CSNK2A2: variants seen among roughly 807,000 people sequenced by gnomAD.
CSNK2A2 encodes the protein casein kinase II subunit alpha'.
Under a neutral mutation model 54.0 loss-of-function variants are expected in CSNK2A2, and 8 were observed. That is an observed-to-expected ratio of 0.15 (90% confidence interval 0.09 to 0.27). The LOEUF (loss-of-function observed/expected upper bound fraction) is 0.27. CSNK2A2 is among the 10% of genes least tolerant of loss of function. CSNK2A2 has a pLI of 1.00. For missense variants in CSNK2A2, 242 were observed against 439.4 expected, an observed-to-expected ratio of 0.55 and a Z score of 4.02; for synonymous variants, 141 against 153.9, an observed-to-expected ratio of 0.92 and a Z score of 0.62.
At chr16:58,186,932 A>ACC in intron 2 of CSNK2A2, 76 bp from the exon 3 acceptor site, 1 of 1,133,694 alleles carries the variant, frequency 8.8e-7, no homozygotes, top group Non-Finnish European at 1.3e-6. Context: ...AATGTTAGCC[A>ACC]ATCAGATGGA....
chr16:58,172,310 TATA>T (rs1308636246), intron 5 of CSNK2A2, among the ~76,000 whole-genome samples: 1 of 152,140 alleles, frequency 6.6e-6, no homozygotes, highest in Non-Finnish European at 1.5e-5. Context: ...CCCTCTGTTT[TATA>T]ATAACTGTAG....
At chr16:58,195,089 T>C (rs938753685) in intron 2 of CSNK2A2, among the ~76,000 whole-genome samples, 8 of 152,156 alleles carry the variant, frequency 5.3e-5, no homozygotes, top group Non-Finnish European at 5.9e-5. Flanking sequence ...ACGTTTTGCT[T>C]ATTTCTTAGA....
At chr16:58,167,144 TA>T in intron 8 of CSNK2A2, 62 bp downstream of exon 8, 1 of 1,108,796 alleles carries the variant, frequency 9.0e-7, no homozygotes, top group Non-Finnish European at 1.3e-6. Flanking sequence ...TATTCTTATC[TA>T]AGGATGCTAT....
chr16:58,174,180 CAA>C, intron 5 of CSNK2A2: 1 of 292,812 alleles, frequency 3.4e-6, no homozygotes, highest in South Asian at 1.1e-4. Context: ...AATAAAGCAG[CAA>C]AGAGAAAACA....
Position 58,193,218 on chromosome 16 carries a change from G to C in CSNK2A2, c.216+3515C>G, listed in dbSNP as rs138591476. Among the ~76,000 whole-genome samples the C allele has an allele frequency of 3.0e-4, 46 of 152,192 alleles. 1 individual carries two copies. The East Asian group carries it at 8.5e-3, about 28-fold the overall frequency. On this transcript the variant is annotated intron_variant, in intron 2 of 11. Transcript: ENST00000262506. ...AAACCTACCACAGGAGAAATAAAGA[G>C]GAAATAAAGAGGAAAGCACCATTCT... is the stretch of plus-strand genomic sequence containing the variant.
chr16:58,164,126 G>A lies in CSNK2A2; in HGVS notation c.998C>T (p.Ser333Phe). The change falls in exon 11 of 12, where the codon TCC becomes TTC. Residue 333 changes from serine to phenylalanine, a missense_variant. Around this residue, in one of 5 missense-constraint regions of CSNK2A2, gnomAD observed 81 missense variants for 135.0 expected, o/e 0.60. Transcript: ENST00000262506. ...CACAGCATTGTCTGCACAAGGCTGGGACTGCTCCTTCACCACAGGGTCTGC... is the reference window on the plus strand; with the variant it reads ...CACAGCATTGTCTGCACAAGGCTGGAACTGCTCCTTCACCACAGGGTCTGC... ...PYFYPVVKEQ[S>F]QPCADNAVLS... is the part of the protein sequence containing the mutation. 1 of 1,613,936 alleles carries A rather than the reference G, an allele frequency of 6.2e-7. No individual in the cohort carries two copies. Among genetic ancestry groups the A allele is most frequent in the South Asian group, 1.1e-5 (1 of 91,000 alleles).
At chr16:58,161,131 C>T (rs1218155189) in intron 11 of CSNK2A2, 1 of 152,344 alleles carries the variant, frequency 6.6e-6, no homozygotes, top group East Asian at 1.9e-4. Flanking sequence ...TGCCACCACA[C>T]CAGAGGTGCA....
At chr16:58,193,289 GATGTATAACCA>G (rs1413574734) in intron 2 of CSNK2A2, among the ~76,000 whole-genome samples, 1 of 152,184 alleles carries the variant, frequency 6.6e-6, no homozygotes, top group Admixed American at 6.5e-5. Context: ...TACTAACAAA[GATGTATAACCA>G]ATGCCCATCC....
intron 4 of CSNK2A2, among the ~76,000 whole-genome samples, chr16:58,177,191 T>C (rs184949767): frequency 2.6e-4 from 40 of 152,304 alleles, no homozygotes; most frequent in Middle Eastern, 3.4e-3. Flanking sequence ...TTTTACAATG[T>C]TCACAGTCAA....
chr16:58,197,750 GGGGGGCGGCGCGGGGCGCAGAGGGTGGC>G lies in CSNK2A2; in HGVS notation c.-42_-15del, dbSNP rs768313246. The G allele has an allele frequency of 4.6e-5, 55 of 1,184,096 alleles. No homozygotes were observed. The highest frequency in any genetic ancestry group is 1.4e-4 in the Admixed American group (3 of 21,840). The allele number at this position is 1,184,096 out of a possible 1,614,324, so 73.3% of individuals were successfully genotyped here. A position where few individuals can be genotyped will look rare whatever the true frequency, so the allele number is the denominator to read the frequency against. On this transcript the variant is annotated 5_prime_UTR_variant, in exon 1 of 12. Coordinates refer to ENST00000262506, the MANE Select transcript of CSNK2A2 (RefSeq NM_001896.4). This position sits in a 1 kb window ranked among gnomAD's most constrained non-coding sequence, Gnocchi z 4.0. ...CGGGCCGGGCATGGCGGGCGGGACC[GGGGGGCGGCGCGGGGCGCAGAGGGTGGC>G]GGCGGCGGCGCGGCGGGGGACGCGG... is the stretch of plus-strand genomic sequence containing the variant.
intron 11 of CSNK2A2, chr16:58,159,534 G>GT (rs1961262856): frequency 6.6e-6 from 1 of 152,250 alleles, no homozygotes; most frequent in Admixed American, 6.5e-5. Context: ...GGAAATACAA[G>GT]TTAAGGTCCT....
intron 3 of CSNK2A2, among the ~76,000 whole-genome samples, chr16:58,186,325 G>A (rs1428580701): frequency 6.6e-6 from 1 of 152,208 alleles, no homozygotes; most frequent in Non-Finnish European, 1.5e-5. Context: ...GCTGGGACCT[G>A]CTCAGGCCTT....
chr16:58,170,934 C>T (rs1244311442), intron 5 of CSNK2A2, among the ~76,000 whole-genome samples: 1 of 152,082 alleles, frequency 6.6e-6, no homozygotes, highest in African/African-American at 2.4e-5. Flanking sequence ...TAACAAGCAC[C>T]TGAATCCTAC....
At chr16:58,165,529 T>C (rs1293144875) in intron 10 of CSNK2A2, 31 bp downstream of exon 10, 1 of 1,570,556 alleles carries the variant, frequency 6.4e-7, no homozygotes, top group African/African-American at 1.4e-5. Flanking sequence ...TTGACTGAAT[T>C]ACTCCCTGAA....
intron 5 of CSNK2A2, chr16:58,174,198 A>G (rs1024329207): frequency 3.0e-6 from 1 of 335,528 alleles, no homozygotes; most frequent in Non-Finnish European, 5.3e-6. Context: ...AAACATATGG[A>G]CCAACAAGAG....
intron 4 of CSNK2A2, among the ~76,000 whole-genome samples, chr16:58,175,500 A>C (rs112080082): frequency 2.0e-5 from 3 of 152,316 alleles, no homozygotes; most frequent in African/African-American, 7.2e-5. Flanking sequence ...CTCTGTAATA[A>C]GGGGGAAAAT....
intron 3 of CSNK2A2, among the ~76,000 whole-genome samples, chr16:58,184,874 G>A (rs933638593): frequency 1.3e-5 from 2 of 152,062 alleles, no homozygotes; most frequent in African/African-American, 4.8e-5. Context: ...AACCATCCGT[G>A]ATATTATCAA....
chr16:58,183,934 G>GT (rs755710067), intron 4 of CSNK2A2, among the ~76,000 whole-genome samples: 5 of 152,094 alleles, frequency 3.3e-5, no homozygotes, highest in Non-Finnish European at 7.4e-5. Context: ...TCTCGGCAAA[G>GT]TAAGATTTCG....
intron 9 of CSNK2A2, 22 bp downstream of exon 9, chr16:58,166,562 T>A (rs769834880): frequency 4.1e-6 from 2 of 490,842 alleles, no homozygotes; most frequent in Non-Finnish European, 3.0e-6. Flanking sequence ...GGTAAAGCAC[T>A]CTCTCTCTCT....
Sources: allele counts gnomAD v4.1 joint callset (sites outside exome capture counted in the v4.1 genomes callset), GRCh38; gene constraint gnomAD v4.1.1; regional missense constraint gnomAD v4.1.1; non-coding constraint Gnocchi (gnomAD v3.1); transcripts MANE v1.5; gene names NCBI Gene and HGNC (gene_info 2026-07-23, HGNC 2026-07-21).